The following FBXW12 variants were observed in gnomAD, a reference collection of about 807,000 sequenced individuals.
The protein encoded by FBXW12 is F-box/WD repeat-containing protein 12.
Under a neutral mutation model 55.3 loss-of-function variants are expected in FBXW12, and 43 were observed. That is an observed-to-expected ratio of 0.78 (90% CI 0.61 to 1.00). FBXW12 has a LOEUF of 1.00. FBXW12 is among the 50% of genes least tolerant of loss of function. The pLI, the probability that FBXW12 is intolerant of heterozygous loss-of-function variation, is 0.00. For missense variants in FBXW12, 524 were observed against 560.5 expected, an observed-to-expected ratio of 0.93 and a Z score of 0.66; for synonymous variants, 184 against 203.8, an observed-to-expected ratio of 0.90 and a Z score of 0.83.
intron 4 of FBXW12, among the ~76,000 whole-genome samples, chr3:48,374,505 T>C (rs2036654430): frequency 6.6e-6 from 1 of 152,100 alleles, no homozygotes; most frequent in East Asian, 1.9e-4. Flanking sequence ...TTTTTGTGTT[T>C]TTAGTACAGA....
intron 10 of FBXW12, among the ~76,000 whole-genome samples, chr3:48,394,193 A>C (rs1560036260): frequency 6.6e-6 from 1 of 152,020 alleles, no homozygotes; most frequent in Non-Finnish European, 1.5e-5. Flanking sequence ...GGTTGCAGTG[A>C]ACTGACATGG....
At chr3:48,376,300 ATG>A (rs2036685114) in intron 5 of FBXW12, among the ~76,000 whole-genome samples, 1 of 152,044 alleles carries the variant, frequency 6.6e-6, no homozygotes, top group South Asian at 2.1e-4. Context: ...ACTTTTTAAT[ATG>A]TGTTTCTATA....
At chr3:48,379,259 G>T (rs2036729319) in intron 6 of FBXW12, 141 bp from the exon 7 acceptor site, 1 of 783,910 alleles carries the variant, frequency 1.3e-6, no homozygotes, top group African/African-American at 1.7e-5. Flanking sequence ...AGTGTCTCAA[G>T]CTAGACTGGT....
intron 3 of FBXW12, 92 bp from the exon 4 acceptor site, chr3:48,373,456 G>C: frequency 6.2e-7 from 1 of 1,605,334 alleles, no homozygotes; most frequent in Non-Finnish European, 8.5e-7. Flanking sequence ...ACACAGGAAA[G>C]TTAGTGTGAG....
In FBXW12 at chr3:48,378,339, C is replaced by CA. The variant is rs1265640196; in HGVS notation, c.429dup (p.Val144SerfsTer69). ...TAGGGTACCATGATCTGGTCAAGCCCAGTCCAGGAGTTCCATTTCTCAAAT... is the reference window on the plus strand; with the variant it reads ...TAGGGTACCATGATCTGGTCAAGCCCAAGTCCAGGAGTTCCATTTCTCAAAT... On this transcript the variant is annotated frameshift_variant, in exon 6 of 11. Transcript: ENST00000296438. LOFTEE classifies it high-confidence loss of function. 5.0e-6 allele frequency: 8 copies of CA among 1,614,032 alleles called. 1 individual carries two copies. The South Asian group carries it at 7.7e-5, about 16-fold the overall frequency.
chr3:48,386,924 G>GTTT (rs1395779879), intron 10 of FBXW12, among the ~76,000 whole-genome samples: 2 of 146,416 alleles, frequency 1.4e-5, no homozygotes, highest in Non-Finnish European at 3.0e-5. Context: ...TCATTTTGTA[G>GTTT]TTTTCTTCTT....
chr3:48,386,389 CTG>C (rs138951021), intron 10 of FBXW12, among the ~76,000 whole-genome samples: 1 of 152,346 alleles, frequency 6.6e-6, no homozygotes, highest in East Asian at 1.9e-4. Flanking sequence ...GTTTTGATAA[CTG>C]TAGCTTTATA....
At chr3:48,376,001 T>TTTTTG (rs2036679372) in intron 5 of FBXW12, among the ~76,000 whole-genome samples, 2 of 108,658 alleles carry the variant, frequency 1.8e-5, no homozygotes, top group African/African-American at 3.2e-5. Flanking sequence ...TTTTTTTTTT[T>TTTTTG]GAGACAGTCT....
chr3:48,377,268 T>G (rs1196861935), intron 5 of FBXW12, among the ~76,000 whole-genome samples: 3 of 152,216 alleles, frequency 2.0e-5, no homozygotes, highest in Non-Finnish European at 4.4e-5. Context: ...AGGGCTGACC[T>G]GTGCAACCAA....
intron 10 of FBXW12, among the ~76,000 whole-genome samples, chr3:48,393,799 GA>G (rs942704281): frequency 3.8e-5 from 5 of 131,010 alleles, no homozygotes; most frequent in African/African-American, 1.5e-4. Flanking sequence ...TTTTTTTTGA[GA>G]TGGAATATTG....
At chr3:48,384,718 T>C (rs1157223240) in intron 10 of FBXW12, among the ~76,000 whole-genome samples, 1 of 152,208 alleles carries the variant, frequency 6.6e-6, no homozygotes, top group Non-Finnish European at 1.5e-5. Flanking sequence ...TTGTCATGAA[T>C]AGATGTTGAA....
intron 10 of FBXW12, among the ~76,000 whole-genome samples, chr3:48,386,584 T>C (rs896616428): frequency 6.6e-6 from 1 of 152,208 alleles, no homozygotes; most frequent in Non-Finnish European, 1.5e-5. Flanking sequence ...TTGGGGAGTA[T>C]GGACATTTTA....
chr3:48,378,613 CTTT>C (rs749717436), intron 6 of FBXW12, 87 bp downstream of exon 6: 3,286 of 578,760 alleles, frequency 5.7e-3, no homozygotes, highest in Middle Eastern at 0.013. Context: ...TGTCCTATCC[CTTT>C]TTTTTTTTTT....
chr3:48,380,802 A>G lies in FBXW12; in HGVS notation c.875A>G (p.Lys292Arg). The G allele has an allele frequency of 1.9e-6, 3 of 1,614,174 alleles. No homozygotes were observed. In the African/African-American group the frequency reaches 4.0e-5, roughly 22 times the overall value. The change falls in exon 8 of 11, where the codon AAG becomes AGG. Residue 292 changes from lysine (K) to arginine (R), a missense_variant. Lys to Arg is a conservative substitution (Grantham distance 26, BLOSUM62 2). Coordinates refer to ENST00000296438, the MANE Select transcript of FBXW12 (RefSeq NM_207102.2). Reference protein sequence around the residue: ...KLCASACWTPKVKNRITLMSQ... With the variant: ...KLCASACWTPRVKNRITLMSQ... ...TGTGCCAGCGCCTGCTGGACCCCAAAGGTGAAAAACAGGATAACACTGATG... is the reference window on the plus strand; with the variant it reads ...TGTGCCAGCGCCTGCTGGACCCCAAGGGTGAAAAACAGGATAACACTGATG...
intron 8 of FBXW12, 127 bp from the exon 9 acceptor site, chr3:48,381,573 C>T (rs932472153): frequency 2.5e-5 from 27 of 1,067,606 alleles, no homozygotes; most frequent in African/African-American, 2.4e-4. Context: ...TTTTCTTCCC[C>T]GGAATGAAGT....
At chr3:48,378,585 G>C (rs759336199) in intron 6 of FBXW12, 59 bp downstream of exon 6, 2 of 1,381,186 alleles carry the variant, frequency 1.4e-6, no homozygotes, top group Non-Finnish European at 2.0e-6. Context: ...GTCTTGTCAG[G>C]CATCCGTGTC....
chr3:48,394,577 T>G lies in FBXW12; in HGVS notation c.1313T>G (p.Met438Arg). The G allele has an allele frequency of 6.2e-7, 1 of 1,600,380 alleles. No individual in the cohort carries two copies. The highest frequency in any genetic ancestry group is 8.5e-7 in the Non-Finnish European group (1 of 1,171,934). Residue 438 changes from methionine (M) to arginine (R), a missense_variant, in exon 11 of 11, where the codon ATG (methionine) becomes AGG (arginine). Transcript: ENST00000296438. ...ATTGACAGCTGCATCTCCAGTGTGA[T>G]GTGTGATAATGCAAGCATAGTACTT... is the stretch of plus-strand genomic sequence containing the variant. ...HTTDSCISSV[M>R]CDNASIVLRV...
chr3:48,372,801 C>T lies in FBXW12; in HGVS notation c.34C>T (p.Arg12Ter), dbSNP rs771265112. The T allele has an allele frequency of 1.9e-5, 31 of 1,614,176 alleles. No individual in the cohort carries two copies. The highest frequency in any genetic ancestry group is 3.3e-5 in the Admixed American group (2 of 60,022). Residue 12 changes from arginine (R) to a stop codon, truncating the protein, a stop_gained, in exon 2 of 11, where the codon CGA becomes TGA. Transcript: ENST00000296438. LOFTEE classifies it high-confidence loss of function. The stretch of plus-strand genomic sequence containing the variant: ...CCGATTGCCTGACTTAGCTTTGAAG[C>T]GAATCTTCTCTTTCCTGGACCTGTT... Reference protein sequence around the residue: ...EIRLPDLALKRIFSFLDLFGL... With the variant: ...EIRLPDLALK
rs751314970 is a variant in FBXW12 at position 48,381,954 on chromosome 3, G to A, written c.1165-1G>A. On this transcript the variant is annotated splice_acceptor_variant, in intron 9 of 10. Transcript: ENST00000296438. LOFTEE classifies it high-confidence loss of function. ...CCACTCACTCTGGCTATCCTTGGAA[G>A]GATCCTTGCTATGTGCTCACCACAT... is the stretch of plus-strand genomic sequence containing the variant. 5 of 1,614,140 alleles carry A rather than the reference G, an allele frequency of 3.1e-6. No individual in the cohort carries two copies. The highest frequency in any genetic ancestry group is 4.2e-6 in the Non-Finnish European group (5 of 1,180,030).
Sources: gnomAD v4.1 joint callset for allele counts (sites outside exome capture counted in the v4.1 genomes callset) on GRCh38, gnomAD v4.1.1 for gene constraint, MANE v1.5 for transcripts, NCBI Gene and HGNC (gene_info 2026-07-23, HGNC 2026-07-21) for gene names.